ALDH3A1: variants seen among roughly 807,000 people sequenced by gnomAD.
ALDH3A1 encodes the protein aldehyde dehydrogenase, dimeric NADP-preferring.
A neutral mutation model predicts 49.9 loss-of-function variants in ALDH3A1; 46 were observed. That is an observed-to-expected ratio of 0.92 (90% CI 0.73 to 1.18). The LOEUF (loss-of-function observed/expected upper bound fraction) is 1.18. Ranked by LOEUF, ALDH3A1 falls within the 50% of genes most tolerant of loss-of-function variation. ALDH3A1 has a pLI of 0.00. For missense variants in ALDH3A1, 592 were observed against 611.8 expected, an observed-to-expected ratio of 0.97 and a Z score of 0.34; for synonymous variants, 269 against 253.3, an observed-to-expected ratio of 1.06 and a Z score of -0.59.
chr17:19,747,963 T>C (rs2152376883), intron 1 of ALDH3A1: 1 of 178,922 alleles, frequency 5.6e-6, no homozygotes, highest in African/African-American at 2.3e-5. Flanking sequence ...GCTCATGCCT[T>C]TAGCACTCGG....
At chr17:19,740,172 C>T in intron 7 of ALDH3A1, 164 bp downstream of exon 7, 2 of 848,270 alleles carry the variant, frequency 2.4e-6, no homozygotes, top group Non-Finnish European at 3.5e-6. Flanking sequence ...GGGCTGTCCT[C>T]AGCCCCTGCC....
intron 3 of ALDH3A1, chr17:19,742,995 C>G: frequency 1.3e-6 from 2 of 1,530,672 alleles, no homozygotes; most frequent in Non-Finnish European, 1.7e-6. Flanking sequence ...AGCCCCCCAA[C>G]AGGGGTGGGG....
Position 19,743,759 on chromosome 17 carries a change from G to C in ALDH3A1, c.163-296C>G. 1 of 984,636 alleles carries C rather than the reference G, an allele frequency of 1.0e-6. No homozygotes were observed. The highest frequency in any genetic ancestry group is 1.2e-6 in the Non-Finnish European group (1 of 829,714). 61.0% of individuals were successfully genotyped at this position (984,636 alleles called of 1,614,324 possible). Reference sequence around the variant, plus strand: ...GGAATGGATCCAGGTAGGGGGAATAGAGCCGGGCAGGGGAGAGTAGATTCA... The same window carrying C: ...GGAATGGATCCAGGTAGGGGGAATACAGCCGGGCAGGGGAGAGTAGATTCA... On this transcript the variant is annotated intron_variant, in intron 2 of 10. Transcript: ENST00000225740. The surrounding 1 kb of genome is among the most constrained non-coding windows in gnomAD (Gnocchi z 4.4).
Position 19,743,092 on chromosome 17 carries a change from G to C in ALDH3A1, c.394+140C>G. The C allele has an allele frequency of 1.3e-6, 2 of 1,535,896 alleles. No individual in the cohort carries two copies. The highest frequency in any genetic ancestry group is 2.4e-5 in the South Asian group (2 of 83,284). On this transcript the variant is annotated intron_variant, in intron 3 of 10. Coordinates refer to ENST00000225740, the MANE Select transcript of ALDH3A1 (RefSeq NM_000691.5). This position sits in a 1 kb window ranked among gnomAD's most constrained non-coding sequence, Gnocchi z 4.4. ...CCAAGAGGCCTGGCTAAACAGCTTG[G>C]TCCCCACAGCCTCCTGTGACAGACC...
rs186705171 is a variant in ALDH3A1, at chr17:19,747,322, C to G, written c.-6+937G>C. ...GCTCTAAGCCTGGCCCTTCCATGGTCCCTCCCTATGTTCTGATAGGAGGCT... is the reference window on the plus strand; with the variant it reads ...GCTCTAAGCCTGGCCCTTCCATGGTGCCTCCCTATGTTCTGATAGGAGGCT... On this transcript the variant is annotated intron_variant, in intron 1 of 10. Coordinates refer to ENST00000225740, the MANE Select transcript of ALDH3A1 (RefSeq NM_000691.5). Among the ~76,000 whole-genome samples the G allele has an allele frequency of 4.0e-3, 609 of 152,248 alleles. 8 individuals carry two copies. The highest frequency in any genetic ancestry group is 0.013 in the African/African-American group (560 of 41,524).
chr17:19,738,909 C>A, intron 9 of ALDH3A1, 87 bp downstream of exon 9: 1 of 1,233,170 alleles, frequency 8.1e-7, no homozygotes, highest in Non-Finnish European at 1.2e-6. Context: ...GCCCGGGCTG[C>A]AGGAGGTGGT....
chr17:19,747,057 TACTC>T (rs1260430174), intron 1 of ALDH3A1, among the ~76,000 whole-genome samples: 2 of 152,130 alleles, frequency 1.3e-5, no homozygotes, highest in Admixed American at 6.5e-5. Context: ...CTTCCTGAGA[TACTC>T]AGCCCACTTG....
In ALDH3A1 at chr17:19,738,333, C is replaced by A; in HGVS notation, c.1337G>T (p.Ser446Ile). 4.3e-6 allele frequency: 7 copies of A among 1,613,232 alleles called. No individual in the cohort carries two copies. The highest frequency in any genetic ancestry group is 5.9e-6 in the Non-Finnish European group (7 of 1,179,264). Residue 446 changes from serine to isoleucine, a missense_variant, in exon 10 of 11, where the codon AGC (serine) becomes ATC (isoleucine). Coordinates refer to ENST00000225740, the MANE Select transcript of ALDH3A1 (RefSeq NM_000691.5). The part of the protein sequence containing the change: ...DEGLKVRYPP[S>I]PAKMTQH ...CCTTCCCCCTCTCACCTTGGCCGGG[C>A]TCGGGGGGTATCTGACCTTCAGGCC...
Position 19,741,826 on chromosome 17 carries a change from C to T in ALDH3A1, c.689+178G>A, listed in dbSNP as rs9895030. 0.015 allele frequency among the ~76,000 whole-genome samples: 2,229 copies of T among 152,260 alleles called. 49 individuals are homozygous for T. Among genetic ancestry groups the T allele is most frequent in the African/African-American group, 0.048 (1,997 of 41,540 alleles). ...AGGAAGCCTTCTGGGACTCCCCACA[C>T]GTCTTCTGTGCATGTGGTCCCCACC... On this transcript the variant is annotated intron_variant, in intron 5 of 10. Transcript: ENST00000225740.
At chr17:19,740,506 A>T in intron 6 of ALDH3A1, 29 bp from the exon 7 acceptor site, 1 of 1,611,868 alleles carries the variant, frequency 6.2e-7, no homozygotes, top group South Asian at 1.1e-5. Context: ...GGCTTCGGGT[A>T]AGGACGCAGA....
Position 19,745,068 on chromosome 17 carries a change from CG to C in ALDH3A1, c.61del (p.Arg21ValfsTer16). ...CTGCTGGATCCGGAACTGCAGCGGA[CG>C]GGTCCTGCCCGAGCTGAAGGCGGCG... ...ARAAFSSGRT[R>X]PLQFRIQQLE... is the part of the protein sequence containing the mutation. On this transcript the variant is annotated frameshift_variant, in exon 2 of 11. Transcript: ENST00000225740. LOFTEE classifies it high-confidence loss of function. The C allele has an allele frequency of 6.3e-7, 1 of 1,596,112 alleles. No individual in the cohort carries two copies. Among genetic ancestry groups the C allele is most frequent in the Non-Finnish European group, 8.5e-7 (1 of 1,177,960 alleles).
intron 2 of ALDH3A1, chr17:19,744,552 G>A (rs925021796): frequency 2.1e-5 from 21 of 985,364 alleles, no homozygotes; most frequent in Non-Finnish European, 2.5e-5. Context: ...TGCTCAGGGT[G>A]AGGGACGGAA....
Position 19,743,729 on chromosome 17 carries a change from G to A in ALDH3A1, c.163-266C>T, listed in dbSNP as rs115292854. 1.9e-3 allele frequency: 1,884 copies of A among 984,914 alleles called. 20 individuals are homozygous for A. The African/African-American group carries it at 0.031, about 16-fold the overall frequency. 61.0% of individuals were successfully genotyped at this position (984,914 alleles called of 1,614,324 possible). ...GAGCCGGTGAAGGGACCAGGCATGGGCAACGGAATGGATCCAGGTAGGGGG... is the reference window on the plus strand; with the variant it reads ...GAGCCGGTGAAGGGACCAGGCATGGACAACGGAATGGATCCAGGTAGGGGG... On this transcript the variant is annotated intron_variant, in intron 2 of 10. Coordinates refer to ENST00000225740, the MANE Select transcript of ALDH3A1 (RefSeq NM_000691.5). This position sits in a 1 kb window ranked among gnomAD's most constrained non-coding sequence, Gnocchi z 4.4.
rs145445256 is a variant in ALDH3A1 at position 19,742,631 on chromosome 17, C to G, written c.395-1G>C. 2.4e-4 allele frequency: 385 copies of G among 1,613,826 alleles called. No homozygotes were observed. Among genetic ancestry groups the G allele is most frequent in the Non-Finnish European group, 3.0e-4 (350 of 1,180,024 alleles). ...GAGGGCTTGAGGACCACTGAGTTCC[C>G]TGCAGAGCACACCGAGCCAGGCCTA... On this transcript the variant is annotated splice_acceptor_variant, in intron 3 of 10. Transcript: ENST00000225740. LOFTEE classifies it high-confidence loss of function.
intron 9 of ALDH3A1, 61 bp downstream of exon 9, chr17:19,738,935 T>C: frequency 6.7e-7 from 1 of 1,485,978 alleles, no homozygotes; most frequent in Non-Finnish European, 9.2e-7. Flanking sequence ...CTGAATTTGC[T>C]GGGTGAGTGT....
Position 19,743,808 on chromosome 17 carries a change from G to GGGGGGGATGGATCCGGGGA in ALDH3A1, c.163-364_163-346dup. ...CAGGCAGTGGGAATGGATCCGGGGA[G>GGGGGGGATGGATCCGGGGA]GGGGGGATGGATCCGGGGAGGGGGG... is the stretch of plus-strand genomic sequence containing the variant. On this transcript the variant is annotated intron_variant, in intron 2 of 10. Coordinates refer to ENST00000225740, the MANE Select transcript of ALDH3A1 (RefSeq NM_000691.5). This position sits in a 1 kb window ranked among gnomAD's most constrained non-coding sequence, Gnocchi z 4.4. 1 of 967,274 alleles carries GGGGGGGATGGATCCGGGGA rather than the reference G, an allele frequency of 1.0e-6. No individual in the cohort carries two copies. The highest frequency in any genetic ancestry group is 1.8e-5 in the African/African-American group (1 of 56,694). 59.9% of individuals were successfully genotyped at this position (967,274 alleles called of 1,614,324 possible). A position where few individuals can be genotyped will look rare whatever the true frequency, so the allele number is the denominator to read the frequency against.
chr17:19,738,417 CTCT>C lies in ALDH3A1; in HGVS notation c.1250_1252del (p.Lys417del). The C allele has an allele frequency of 1.9e-6, 3 of 1,613,658 alleles. No homozygotes were observed. The highest frequency in any genetic ancestry group is 2.5e-6 in the Non-Finnish European group (3 of 1,179,748). ...GCGGCGGTGAGAGAAAGTCTCGAAG[CTCT>C]TCTTGCCATGGTAGGATCCCATGCC... On this transcript the variant is annotated inframe_deletion, in exon 10 of 11. Coordinates refer to ENST00000225740, the MANE Select transcript of ALDH3A1 (RefSeq NM_000691.5).
Position 19,738,163 on chromosome 17 carries a change from G to A in ALDH3A1, c.*58C>T, listed in dbSNP as rs1216063227. On this transcript the variant is annotated 3_prime_UTR_variant, in exon 11 of 11. Coordinates refer to ENST00000225740, the MANE Select transcript of ALDH3A1 (RefSeq NM_000691.5). ...CTCCCAGGGCCAGGAGAGCCAGTGAGGGTGGTCCGCACTCCGATGGGACAC... is the reference window on the plus strand; with the variant it reads ...CTCCCAGGGCCAGGAGAGCCAGTGAAGGTGGTCCGCACTCCGATGGGACAC... 1 of 1,612,510 alleles carries A rather than the reference G, an allele frequency of 6.2e-7. No individual in the cohort carries two copies. The highest frequency in any genetic ancestry group is 8.5e-7 in the Non-Finnish European group (1 of 1,179,956).
chr17:19,743,039 A>C lies in ALDH3A1; in HGVS notation c.394+193T>G. The C allele has an allele frequency of 2.0e-6, 3 of 1,532,670 alleles. No homozygotes were observed. Among genetic ancestry groups the C allele is most frequent in the Non-Finnish European group, 2.6e-6 (3 of 1,145,460 alleles). 94.9% of individuals were successfully genotyped at this position (1,532,670 alleles called of 1,614,324 possible). On this transcript the variant is annotated intron_variant, in intron 3 of 10. Transcript: ENST00000225740. This position sits in a 1 kb window ranked among gnomAD's most constrained non-coding sequence, Gnocchi z 4.4. ...GCCCTCTCTGTATCACCAGGTGTGGACACCTGAGCCTGACTGGACCTCAGG... is the reference window on the plus strand; with the variant it reads ...GCCCTCTCTGTATCACCAGGTGTGGCCACCTGAGCCTGACTGGACCTCAGG...
Sources: allele counts gnomAD v4.1 joint callset (sites outside exome capture counted in the v4.1 genomes callset), GRCh38; gene constraint gnomAD v4.1.1; non-coding constraint Gnocchi (gnomAD v3.1); transcripts MANE v1.5; gene names NCBI Gene and HGNC (gene_info 2026-07-23, HGNC 2026-07-21).